The following MNAT1 variants were observed in gnomAD, a reference collection of about 807,000 sequenced individuals.
MNAT1 encodes CDK-activating kinase assembly factor MAT1.
In MNAT1, 43 loss-of-function variants were observed where a neutral mutation model predicts 42.0. The observed-to-expected ratio is 1.02, with a 90% CI of 0.80 to 1.32. The LOEUF is 1.32. Among genes scored for constraint, MNAT1 ranks in the 40% most tolerant of loss-of-function variants. The pLI, the probability that MNAT1 is intolerant of heterozygous loss-of-function variation, is 0.00. For missense variants in MNAT1, 306 were observed against 350.4 expected, an observed-to-expected ratio of 0.87 and a Z score of 1.01; for synonymous variants, 118 against 120.0, an observed-to-expected ratio of 0.98 and a Z score of 0.11.
intron 1 of MNAT1, among the ~76,000 whole-genome samples, chr14:60,760,099 A>G (rs1469618907): frequency 1.3e-5 from 2 of 152,202 alleles, no homozygotes; most frequent in South Asian, 2.1e-4. Flanking sequence ...AAATATATCT[A>G]TTCCAAGTGG....
intron 7 of MNAT1, among the ~76,000 whole-genome samples, chr14:60,901,770 AC>A (rs1434691260): frequency 6.6e-6 from 1 of 152,220 alleles, no homozygotes; most frequent in Non-Finnish European, 1.5e-5. Flanking sequence ...CTGAATTACT[AC>A]AGTCTTATAA....
At chr14:60,751,658 AATAT>A (rs1426387769) in intron 1 of MNAT1, among the ~76,000 whole-genome samples, 2 of 151,878 alleles carry the variant, frequency 1.3e-5, no homozygotes, top group African/African-American at 2.4e-5. Flanking sequence ...TGTACAAACA[AATAT>A]ATATATTCTC....
Position 60,812,029 on chromosome 14 carries a change from C to T in MNAT1, c.463C>T (p.Arg155Ter), listed in dbSNP as rs145803434. The T allele has an allele frequency of 1.6e-5, 26 of 1,601,434 alleles. No individual in the cohort carries two copies. The highest frequency in any genetic ancestry group is 5.4e-5 in the African/African-American group (4 of 74,142). The change falls in exon 5 of 8, where the codon CGA becomes TGA. Residue 155 changes from arginine (R) to a stop codon, truncating the protein, a stop_gained. Transcript: ENST00000261245. LOFTEE classifies it high-confidence loss of function. ...ACTGGAAGAAGCTTTAGAAGTGGAA[C>T]GACAGGAAAATGAACAAAGAAGATT... ...EELEEALEVE[R>*]QENEQRRLFI...
At chr14:60,867,439 A>G (rs1269848078) in intron 6 of MNAT1, among the ~76,000 whole-genome samples, 1 of 152,090 alleles carries the variant, frequency 6.6e-6, no homozygotes, top group Non-Finnish European at 1.5e-5. Flanking sequence ...AGAGCCTACC[A>G]TATATGTATC....
intron 1 of MNAT1, among the ~76,000 whole-genome samples, chr14:60,748,895 A>G (rs1475162374): frequency 6.6e-6 from 1 of 152,168 alleles, no homozygotes; most frequent in African/African-American, 2.4e-5. Flanking sequence ...ACTATTATGC[A>G]CTGTGCATAA....
chr14:60,807,195 A>G (rs1006705667), intron 3 of MNAT1, among the ~76,000 whole-genome samples: 1 of 152,244 alleles, frequency 6.6e-6, no homozygotes, highest in Non-Finnish European at 1.5e-5. Context: ...CCTTTTGAGA[A>G]GAAAAAAATG....
intron 7 of MNAT1, among the ~76,000 whole-genome samples, chr14:60,912,711 G>C (rs1345973035): frequency 1.3e-5 from 2 of 152,186 alleles, no homozygotes; most frequent in African/African-American, 4.8e-5. Context: ...AGTCTGATGG[G>C]CTTCCCTTTT....
intron 1 of MNAT1, among the ~76,000 whole-genome samples, chr14:60,751,034 AT>A (rs2030069021): frequency 6.6e-6 from 1 of 152,124 alleles, no homozygotes; most frequent in African/African-American, 2.4e-5. Flanking sequence ...TACTTAGTTA[AT>A]TTAAATTTGG....
At chr14:60,940,722 T>A (rs1468660990) in intron 7 of MNAT1, among the ~76,000 whole-genome samples, 1 of 152,054 alleles carries the variant, frequency 6.6e-6, no homozygotes, top group Non-Finnish European at 1.5e-5. Flanking sequence ...TGGCCGTCTG[T>A]CTCAAAGCTT....
At chr14:60,936,678 A>G (rs150314567) in intron 7 of MNAT1, among the ~76,000 whole-genome samples, 1,843 of 152,252 alleles carry the variant, frequency 0.012, 51 homozygotes, top group African/African-American at 0.041. Context: ...TAGTGCTGCA[A>G]TAAACATACA....
chr14:60,773,747 A>G (rs990831881), intron 1 of MNAT1, among the ~76,000 whole-genome samples: 1 of 152,208 alleles, frequency 6.6e-6, no homozygotes, highest in Non-Finnish European at 1.5e-5. Context: ...TTCACAGAAG[A>G]GTACCTGAAA....
At chr14:60,812,217 T>A in intron 5 of MNAT1, 90 bp downstream of exon 5, 4 of 1,257,590 alleles carry the variant, frequency 3.2e-6, no homozygotes, top group Non-Finnish European at 3.2e-6. Context: ...AAAGGGCTTT[T>A]CCACAGTGTT....
intron 6 of MNAT1, among the ~76,000 whole-genome samples, chr14:60,879,084 G>T (rs2034493481): frequency 6.6e-6 from 1 of 151,880 alleles, no homozygotes; most frequent in Non-Finnish European, 1.5e-5. Flanking sequence ...TGCCACTGAG[G>T]GCTTCATCTT....
intron 6 of MNAT1, among the ~76,000 whole-genome samples, chr14:60,847,277 A>G (rs2033705968): frequency 6.6e-6 from 1 of 151,774 alleles, no homozygotes; most frequent in African/African-American, 2.4e-5. Flanking sequence ...GTTGGCGGGC[A>G]CCTGTAGTTC....
At chr14:60,777,155 A>G (rs190223808) in intron 1 of MNAT1, among the ~76,000 whole-genome samples, 1 of 152,254 alleles carries the variant, frequency 6.6e-6, no homozygotes, top group Non-Finnish European at 1.5e-5. Flanking sequence ...CAGCCTTTGA[A>G]TAGTGTTTTA....
intron 7 of MNAT1, among the ~76,000 whole-genome samples, chr14:60,946,446 T>C (rs908279874): frequency 6.6e-6 from 1 of 152,230 alleles, no homozygotes; most frequent in Non-Finnish European, 1.5e-5. Flanking sequence ...TTTCTTATTT[T>C]ACCCTTCTAT....
At chr14:60,890,830 C>T (rs984919971) in intron 7 of MNAT1, among the ~76,000 whole-genome samples, 3 of 152,302 alleles carry the variant, frequency 2.0e-5, no homozygotes, top group African/African-American at 2.4e-5. Context: ...ATTGAGAATG[C>T]GTCTGCCTCT....
intron 7 of MNAT1, among the ~76,000 whole-genome samples, chr14:60,939,422 G>A (rs944446900): frequency 1.6e-4 from 24 of 152,046 alleles, no homozygotes; most frequent in African/African-American, 5.3e-4. Context: ...AGAGATTCTG[G>A]TATGTTGTCT....
In MNAT1 at chr14:60,826,441, T is replaced by C. The variant is rs146868549; in HGVS notation, c.687+7594T>C. Among the ~76,000 whole-genome samples, 527 of 151,430 alleles carry C rather than the reference T, an allele frequency of 3.5e-3. 14 individuals carry two copies. The highest frequency in any genetic ancestry group is 0.03 in the Admixed American group (451 of 15,162). On this transcript the variant is annotated intron_variant, in intron 6 of 7. Coordinates refer to ENST00000261245, the MANE Select transcript of MNAT1 (RefSeq NM_002431.4). Reference sequence around the variant, plus strand: ...AAGTGATTCTTCTGCCTCAGCCTCCTGCTTAGCTGGAACTACAGGTGCATG... The same window carrying C: ...AAGTGATTCTTCTGCCTCAGCCTCCCGCTTAGCTGGAACTACAGGTGCATG...
Sources: gnomAD v4.1 joint callset for allele counts (sites outside exome capture counted in the v4.1 genomes callset) on GRCh38, gnomAD v4.1.1 for gene constraint, MANE v1.5 for transcripts, NCBI Gene and HGNC (gene_info 2026-07-23, HGNC 2026-07-21) for gene names.